The following MAN1A1 variants were observed in gnomAD, a reference collection of about 807,000 sequenced individuals.
MAN1A1 encodes the protein mannosidase alpha class 1A member 1, also known as mannosyl-oligosaccharide 1,2-alpha-mannosidase IA.
MAN1A1 carries 29 observed loss-of-function variants against 70.8 expected under a neutral mutation model. That is an observed-to-expected ratio of 0.41 (90% CI 0.31 to 0.56). MAN1A1 has a LOEUF of 0.56. Among genes scored for constraint, MAN1A1 ranks in the 20% least tolerant of loss-of-function variants. MAN1A1 has a pLI of 0.29. For synonymous variants in MAN1A1, 349 were observed against 330.1 expected (o/e 1.06, Z -0.62); for missense variants, 747 against 841.3 (o/e 0.89, Z 1.39).
chr6:119,277,735 G>A (rs971672422), intron 5 of MAN1A1, among the ~76,000 whole-genome samples: 33 of 151,816 alleles, frequency 2.2e-4, no homozygotes, highest in Non-Finnish European at 3.1e-4. Flanking sequence ...AGGAGATGGA[G>A]ACCATCCTGG....
intron 6 of MAN1A1, among the ~76,000 whole-genome samples, chr6:119,246,357 A>G (rs903157131): frequency 2.0e-5 from 3 of 152,270 alleles, no homozygotes; most frequent in Middle Eastern, 3.4e-3. Context: ...TTGTACTGTT[A>G]GCTTTTGGAA....
intron 8 of MAN1A1, among the ~76,000 whole-genome samples, chr6:119,197,812 T>C (rs75701457): frequency 6.6e-6 from 1 of 151,996 alleles, no homozygotes; most frequent in Non-Finnish European, 1.5e-5. Flanking sequence ...GTTTTTTTTT[T>C]CCATCAGGAA....
chr6:119,327,958 T>C (rs932143736), intron 2 of MAN1A1, among the ~76,000 whole-genome samples: 1 of 152,100 alleles, frequency 6.6e-6, no homozygotes. Context: ...GAACTGAATT[T>C]TGCCAACAAC....
At chr6:119,268,022 AG>A (rs1349211566) in intron 5 of MAN1A1, among the ~76,000 whole-genome samples, 14 of 152,136 alleles carry the variant, frequency 9.2e-5, no homozygotes, top group Admixed American at 9.2e-4. Context: ...GCAAGACTAT[AG>A]GTGATATGTT....
rs757306238 is a variant in MAN1A1, at chr6:119,349,008, C to A, written c.58G>T (p.Gly20Trp). 1.1e-4 allele frequency: 158 copies of A among 1,384,242 alleles called. No individual in the cohort carries two copies. The highest frequency in any genetic ancestry group is 1.4e-4 in the Non-Finnish European group (153 of 1,065,530). The allele number at this position is 1,384,242 out of a possible 1,614,324, so 85.7% of individuals were successfully genotyped here. Reference protein sequence around the residue: ...FSSPAGGVLGGGLGGGGGRKG... With the variant: ...FSSPAGGVLGWGLGGGGGRKG... ...CTGCCACCGCCGCCGCCGAGCCCCC[C>A]GCCCAGGACGCCGCCCGCGGGGCTG... Residue 20 changes from glycine (G) to tryptophan (W), a missense_variant, in exon 2 of 13, where the codon GGG (glycine) becomes TGG (tryptophan). Around this residue, in one of 2 missense-constraint regions of MAN1A1, gnomAD observed 328 missense variants for 293.1 expected, o/e 1.12. Coordinates refer to ENST00000368468, the MANE Select transcript of MAN1A1 (RefSeq NM_005907.4).
intron 6 of MAN1A1, among the ~76,000 whole-genome samples, chr6:119,213,530 G>A (rs550574388): frequency 6.6e-6 from 1 of 152,324 alleles, no homozygotes; most frequent in South Asian, 2.1e-4. Context: ...AAGTCAATGT[G>A]TACCCTGTTT....
Position 119,348,724 on chromosome 6 carries a change from C to T in MAN1A1, c.342G>A (p.Glu114=), listed in dbSNP as rs200860304. The T allele has an allele frequency of 7.6e-5, 120 of 1,585,018 alleles. No individual in the cohort carries two copies. The highest frequency in any genetic ancestry group is 1.1e-4 in the Admixed American group (6 of 56,358). ...TGGCCAAGTTGTCCTCCAGGGCGGC[C>T]TCCGGGTCCCCGGGTGCCCCCTCCT... The part of the protein sequence containing the change: ...RREEGAPGDP[E]AALEDNLARI... The change falls in exon 2 of 13, where the codon GAG becomes GAA. Residue 114 remains glutamate (E), a synonymous_variant. Transcript: ENST00000368468.
intron 5 of MAN1A1, among the ~76,000 whole-genome samples, chr6:119,277,924 A>C (rs1776116226): frequency 7.6e-6 from 1 of 131,390 alleles, no homozygotes. Context: ...GCGACAGAGC[A>C]AGACTCCATC....
At chr6:119,270,805 A>T (rs758907734) in intron 5 of MAN1A1, among the ~76,000 whole-genome samples, 5 of 152,226 alleles carry the variant, frequency 3.3e-5, no homozygotes, top group Non-Finnish European at 5.9e-5. Flanking sequence ...CATTAAAATG[A>T]GAGATCTATT....
At chr6:119,290,130 C>G (rs1177352582) in intron 5 of MAN1A1, among the ~76,000 whole-genome samples, 1 of 151,960 alleles carries the variant, frequency 6.6e-6, no homozygotes, top group African/African-American at 2.4e-5. Flanking sequence ...AAAATTCCTG[C>G]TTTGCTCCAA....
chr6:119,200,502 A>G (rs1275300148), intron 8 of MAN1A1, among the ~76,000 whole-genome samples: 1 of 152,214 alleles, frequency 6.6e-6, no homozygotes, highest in Non-Finnish European at 1.5e-5. Flanking sequence ...TATAAAGAAA[A>G]AACCCAAATT....
intron 2 of MAN1A1, among the ~76,000 whole-genome samples, chr6:119,332,156 G>GA (rs1490050755): frequency 1.3e-5 from 2 of 152,150 alleles, no homozygotes; most frequent in African/African-American, 4.8e-5. Flanking sequence ...GTATCCTGTA[G>GA]TTACTGGCAT....
At chr6:119,232,104 T>G (rs1183826794) in intron 6 of MAN1A1, among the ~76,000 whole-genome samples, 1 of 152,196 alleles carries the variant, frequency 6.6e-6, no homozygotes, top group African/African-American at 2.4e-5. Flanking sequence ...CTGGGCGTGG[T>G]GGCTTACGCC....
At chr6:119,200,078 C>T (rs1773676305) in intron 8 of MAN1A1, among the ~76,000 whole-genome samples, 1 of 152,012 alleles carries the variant, frequency 6.6e-6, no homozygotes. Flanking sequence ...TTCAAAGTAC[C>T]ACTATTAAAA....
intron 2 of MAN1A1, among the ~76,000 whole-genome samples, chr6:119,314,364 T>C (rs1456896748): frequency 6.6e-6 from 1 of 152,226 alleles, no homozygotes; most frequent in Non-Finnish European, 1.5e-5. Context: ...GCTGTCGTCA[T>C]CATGGGTTAT....
intron 6 of MAN1A1, among the ~76,000 whole-genome samples, chr6:119,246,452 C>T (rs1392371843): frequency 6.6e-6 from 1 of 152,180 alleles, no homozygotes. Context: ...CTGTGAACCC[C>T]AAAATGTTCA....
intron 2 of MAN1A1, among the ~76,000 whole-genome samples, chr6:119,341,167 C>G (rs571418093): frequency 6.6e-6 from 1 of 151,964 alleles, no homozygotes; most frequent in Non-Finnish European, 1.5e-5. Context: ...TTTTCAAGTA[C>G]CTAATGATCA....
intron 3 of MAN1A1, among the ~76,000 whole-genome samples, chr6:119,304,462 G>A (rs1772477457): frequency 6.6e-6 from 1 of 152,092 alleles, no homozygotes; most frequent in Non-Finnish European, 1.5e-5. Flanking sequence ...AGTATAATTG[G>A]TCAAGCACAA....
intron 4 of MAN1A1, among the ~76,000 whole-genome samples, chr6:119,296,491 A>G (rs1772220001): frequency 6.6e-6 from 1 of 152,186 alleles, no homozygotes; most frequent in Non-Finnish European, 1.5e-5. Flanking sequence ...GCTCTAAAAC[A>G]GACCTTTCTC....
Sources: allele counts gnomAD v4.1 joint callset (sites outside exome capture counted in the v4.1 genomes callset), GRCh38; gene constraint gnomAD v4.1.1; regional missense constraint gnomAD v4.1.1; transcripts MANE v1.5; gene names NCBI Gene and HGNC (gene_info 2026-07-23, HGNC 2026-07-21).